The following GRM7 variants were observed in gnomAD, a reference collection of about 807,000 sequenced individuals.
GRM7 encodes metabotropic glutamate receptor 7.
Under a neutral mutation model 84.5 loss-of-function variants are expected in GRM7, and 35 were observed. The observed-to-expected ratio is 0.41, with a 90% CI of 0.32 to 0.55. GRM7 has a LOEUF of 0.55. Among genes scored for constraint, GRM7 ranks in the 20% least tolerant of loss-of-function variants. The pLI is 0.19. For missense variants in GRM7, 1,003 were observed against 1,194.6 expected, an observed-to-expected ratio of 0.84 and a Z score of 2.36; for synonymous variants, 487 against 455.1, an observed-to-expected ratio of 1.07 and a Z score of -0.89.
At position 7,718,956 on chromosome 3, in the gene GRM7, C is replaced by G. The variant is rs535877162; in HGVS notation, c.2699-21401C>G. 9.2e-5 allele frequency among the ~76,000 whole-genome samples: 14 copies of G among 152,308 alleles called. 1 individual carries two copies. In the South Asian group the frequency reaches 2.7e-3, roughly 29 times the overall value. On this transcript the variant is annotated intron_variant, in intron 9 of 9. Coordinates refer to ENST00000357716, the MANE Select transcript of GRM7 (RefSeq NM_000844.4). The stretch of plus-strand genomic sequence containing the variant: ...TGCAATGTCTCATATGTTTGTGCAT[C>G]TATCACAGCACTAGAACCTGGTATG...
At chr3:7,586,383 G>GTT (rs1695516625) in intron 8 of GRM7, among the ~76,000 whole-genome samples, 3 of 149,074 alleles carry the variant, frequency 2.0e-5, no homozygotes, top group Admixed American at 6.7e-5. Flanking sequence ...GTACATGAGG[G>GTT]GTTTTTTTTT....
At chr3:6,970,931 A>C (rs1007800289) in intron 1 of GRM7, among the ~76,000 whole-genome samples, 3 of 152,138 alleles carry the variant, frequency 2.0e-5, no homozygotes, top group South Asian at 2.1e-4. Flanking sequence ...GCAGTGAGCC[A>C]AGATCGTACG....
At chr3:7,386,542 T>G (rs1421450512) in intron 4 of GRM7, among the ~76,000 whole-genome samples, 3 of 152,344 alleles carry the variant, frequency 2.0e-5, no homozygotes, top group East Asian at 1.9e-4. Context: ...TTTCTGTTTC[T>G]GTATTAATTC....
chr3:6,920,428 A>C (rs1461015921), intron 1 of GRM7, among the ~76,000 whole-genome samples: 1 of 152,000 alleles, frequency 6.6e-6, no homozygotes, highest in Admixed American at 6.6e-5. Context: ...GGTGGCATGC[A>C]CAAGTAATCC....
intron 8 of GRM7, among the ~76,000 whole-genome samples, chr3:7,630,307 T>A (rs1697810028): frequency 6.9e-6 from 1 of 144,288 alleles, no homozygotes; most frequent in Admixed American, 6.9e-5. Flanking sequence ...CCCTGAGTTG[T>A]CTGATTAGAT....
At chr3:7,385,288 G>GTT in intron 4 of GRM7, among the ~76,000 whole-genome samples, 1 of 98,088 alleles carries the variant, frequency 1.0e-5, no homozygotes, top group African/African-American at 3.7e-5. Flanking sequence ...TTTCTATATG[G>GTT]ATTTTTTTTT....
intron 4 of GRM7, among the ~76,000 whole-genome samples, chr3:7,316,852 G>T (rs1163489335): frequency 6.6e-6 from 1 of 152,140 alleles, no homozygotes; most frequent in East Asian, 1.9e-4. Flanking sequence ...TGCAGCCATT[G>T]AAATATAGAT....
chr3:7,675,107 A>AAT (rs1700075662), intron 8 of GRM7, among the ~76,000 whole-genome samples: 1 of 152,224 alleles, frequency 6.6e-6, no homozygotes, highest in Admixed American at 6.5e-5. Context: ...ATATATTGTT[A>AAT]CATCATTTTT....
At chr3:7,309,184 A>G (rs886731683) in intron 4 of GRM7, among the ~76,000 whole-genome samples, 2 of 152,202 alleles carry the variant, frequency 1.3e-5, no homozygotes, top group Non-Finnish European at 2.9e-5. Flanking sequence ...AGTTTTGTTC[A>G]CTTTCGTAGC....
intron 7 of GRM7, among the ~76,000 whole-genome samples, chr3:7,554,507 T>A (rs553771024): frequency 6.6e-6 from 1 of 152,310 alleles, no homozygotes; most frequent in South Asian, 2.1e-4. Flanking sequence ...CAAGTGTAAT[T>A]GTAATCAGTG....
chr3:7,194,951 G>C (rs56033878), intron 2 of GRM7, among the ~76,000 whole-genome samples: 44,242 of 151,932 alleles, frequency 0.29, 6,613 homozygotes, highest in Middle Eastern at 0.39. Flanking sequence ...GAGGACCTGA[G>C]GGAAGAGGGA....
chr3:7,271,053 T>C (rs937258870), intron 2 of GRM7, among the ~76,000 whole-genome samples: 5 of 152,154 alleles, frequency 3.3e-5, no homozygotes, highest in Non-Finnish European at 7.3e-5. Flanking sequence ...AGACGACACA[T>C]AATTAGATAC....
At chr3:7,244,594 C>G (rs1282608530) in intron 2 of GRM7, among the ~76,000 whole-genome samples, 2 of 151,964 alleles carry the variant, frequency 1.3e-5, no homozygotes, top group African/African-American at 2.4e-5. Flanking sequence ...TAACATCATG[C>G]CTTAGAACTA....
At chr3:7,668,419 C>T (rs1329387286) in intron 8 of GRM7, among the ~76,000 whole-genome samples, 5 of 152,204 alleles carry the variant, frequency 3.3e-5, no homozygotes, top group Non-Finnish European at 7.3e-5. Context: ...AGCTATGCTT[C>T]CTGGAGGAGG....
intron 7 of GRM7, among the ~76,000 whole-genome samples, chr3:7,532,590 T>G (rs2125006148): frequency 6.6e-6 from 1 of 152,182 alleles, no homozygotes; most frequent in South Asian, 2.1e-4. Flanking sequence ...CTCATTGATT[T>G]TTTAAAGGGA....
At chr3:7,431,714 G>A (rs146565912) in intron 5 of GRM7, among the ~76,000 whole-genome samples, 5 of 152,102 alleles carry the variant, frequency 3.3e-5, no homozygotes, top group East Asian at 1.9e-4. Flanking sequence ...TGAATGTAAC[G>A]TGGTGAGGAC....
At chr3:7,088,758 C>A (rs1293117318) in intron 1 of GRM7, among the ~76,000 whole-genome samples, 1 of 142,816 alleles carries the variant, frequency 7.0e-6, no homozygotes, top group Non-Finnish European at 1.5e-5. Context: ...TGTGACAGTG[C>A]CCTCCACCTC....
intron 1 of GRM7, among the ~76,000 whole-genome samples, chr3:7,111,159 G>T (rs62236029): frequency 0.15 from 22,220 of 152,078 alleles, 1,755 homozygotes; most frequent in South Asian, 0.24. Context: ...GTTGATCATA[G>T]CCCCTCACGG....
At chr3:7,264,953 C>A (rs572127744) in intron 2 of GRM7, among the ~76,000 whole-genome samples, 46 of 152,328 alleles carry the variant, frequency 3.0e-4, no homozygotes, top group Non-Finnish European at 5.6e-4. Flanking sequence ...ATTCTATTTT[C>A]ATTGGACCTA....
Sources: allele counts gnomAD v4.1 joint callset (sites outside exome capture counted in the v4.1 genomes callset), GRCh38; gene constraint gnomAD v4.1.1; transcripts MANE v1.5; gene names NCBI Gene and HGNC (gene_info 2026-07-23, HGNC 2026-07-21).